Variants in ULK4 observed in about 807,000 individuals in gnomAD.
ULK4 encodes the protein unc-51 like kinase 4, also known as inactive serine/threonine-protein kinase ULK4.
ULK4 carries 133 observed loss-of-function variants against 160.6 expected under a neutral mutation model. The observed-to-expected ratio is 0.83, with a 90% CI of 0.72 to 0.96. The LOEUF is 0.96. Among genes scored for constraint, ULK4 ranks in the 40% least tolerant of loss-of-function variants. ULK4 has a pLI of 0.00. For synonymous variants in ULK4, 534 were observed against 539.8 expected (o/e 0.99, Z 0.15); for missense variants, 1,580 against 1,499.5 (o/e 1.05, Z -0.89).
intron 34 of ULK4, among the ~76,000 whole-genome samples, chr3:41,452,850 C>T (rs912157596): frequency 6.6e-6 from 1 of 152,116 alleles, no homozygotes; most frequent in South Asian, 2.1e-4. Context: ...AACTTAAAAA[C>T]AGCCAAAACA....
intron 35 of ULK4, among the ~76,000 whole-genome samples, chr3:41,319,718 T>C (rs1368771822): frequency 6.6e-6 from 1 of 152,236 alleles, no homozygotes; most frequent in Admixed American, 6.5e-5. Context: ...ATTAATCTCA[T>C]GTAATCCTCA....
chr3:41,250,574 T>C (rs1410192285), intron 35 of ULK4, among the ~76,000 whole-genome samples: 1 of 152,190 alleles, frequency 6.6e-6, no homozygotes, highest in African/African-American at 2.4e-5. Flanking sequence ...TCAGCTGACT[T>C]TGATCACAGC....
At chr3:41,777,337 T>A (rs1162522884) in intron 21 of ULK4, among the ~76,000 whole-genome samples, 1 of 59,654 alleles carries the variant, frequency 1.7e-5, no homozygotes, top group Non-Finnish European at 2.7e-5. Context: ...GTCTTGCTAG[T>A]GGTCTATCAA....
chr3:41,873,556 T>C (rs1209591691), intron 17 of ULK4, among the ~76,000 whole-genome samples: 1 of 152,068 alleles, frequency 6.6e-6, no homozygotes, highest in Non-Finnish European at 1.5e-5. Context: ...TTGTGTTTGT[T>C]TTGTTTTTTG....
chr3:41,738,976 AATCACAATACAC>A (rs2125877297), intron 22 of ULK4, among the ~76,000 whole-genome samples: 1 of 152,062 alleles, frequency 6.6e-6, no homozygotes, highest in Non-Finnish European at 1.5e-5. Context: ...TCAATAAGTG[AATCACAATACAC>A]ATCTGTGCAG....
intron 5 of ULK4, among the ~76,000 whole-genome samples, chr3:41,927,423 G>A (rs1699424753): frequency 6.6e-6 from 1 of 152,176 alleles, no homozygotes; most frequent in African/African-American, 2.4e-5. Context: ...TCAACACTGT[G>A]AAGAAACTGC....
At chr3:41,596,465 G>C (rs975238419) in intron 31 of ULK4, among the ~76,000 whole-genome samples, 1 of 152,120 alleles carries the variant, frequency 6.6e-6, no homozygotes, top group Non-Finnish European at 1.5e-5. Flanking sequence ...TCAAGGGCTT[G>C]AGATGGGCAA....
chr3:41,828,525 T>G lies in ULK4; in HGVS notation c.1764+7339A>C, dbSNP rs1173447221. Among the ~76,000 whole-genome samples the G allele has an allele frequency of 1.2e-4, 16 of 135,236 alleles. 6 individuals carry two copies. The highest frequency in any genetic ancestry group is 5.2e-4 in the African/African-American group (16 of 30,638). 88.7% of individuals were successfully genotyped at this position (135,236 alleles called of 152,430 possible). On this transcript the variant is annotated intron_variant, in intron 18 of 36. Coordinates refer to ENST00000301831, the MANE Select transcript of ULK4 (RefSeq NM_017886.4). ...CAATAACAGACAGAGAGCCAAATCA[T>G]GAGTGAACTCCCATTCACAACTGCT...
intron 27 of ULK4, among the ~76,000 whole-genome samples, chr3:41,702,155 G>T (rs768445017): frequency 2.8e-4 from 43 of 152,084 alleles, no homozygotes; most frequent in East Asian, 9.6e-4. Flanking sequence ...ATGTATGTAT[G>T]TATTTATTTA....
In ULK4 at chr3:41,417,589, G is replaced by C. The variant is rs183130010; in HGVS notation, c.3493-19325C>G. Among the ~76,000 whole-genome samples, 5 of 152,258 alleles carry C rather than the reference G, an allele frequency of 3.3e-5. No homozygotes were observed. The East Asian group carries it at 9.7e-4, about 29-fold the overall frequency. On this transcript the variant is annotated intron_variant, in intron 34 of 36. Coordinates refer to ENST00000301831, the MANE Select transcript of ULK4 (RefSeq NM_017886.4). ...GATAACTGATTGTACTTAATGCAGA[G>C]AGGCTGACTCTGCAAACCCTGGGTG...
intron 32 of ULK4, among the ~76,000 whole-genome samples, chr3:41,488,339 C>T (rs1176502467): frequency 5.3e-5 from 8 of 152,142 alleles, no homozygotes; most frequent in South Asian, 2.1e-4. Context: ...AAAGTGGAGA[C>T]GGTCCAGAGA....
chr3:41,261,650 G>T (rs1337839554), intron 35 of ULK4, among the ~76,000 whole-genome samples: 2 of 152,158 alleles, frequency 1.3e-5, no homozygotes, highest in African/African-American at 4.8e-5. Context: ...AGCGCCCTTT[G>T]CTCCCCCAGT....
intron 17 of ULK4, among the ~76,000 whole-genome samples, chr3:41,851,269 G>T (rs1378370218): frequency 6.6e-6 from 1 of 151,648 alleles, no homozygotes; most frequent in Non-Finnish European, 1.5e-5. Context: ...CTAATTTATT[G>T]AGAGTTTTTA....
intron 11 of ULK4, among the ~76,000 whole-genome samples, chr3:41,910,721 C>A (rs1393908144): frequency 6.6e-6 from 1 of 152,086 alleles, no homozygotes; most frequent in Non-Finnish European, 1.5e-5. Context: ...ACAACAACAA[C>A]AAAAACTGGG....
chr3:41,562,497 A>T (rs12490331), intron 32 of ULK4, among the ~76,000 whole-genome samples: 2 of 151,868 alleles, frequency 1.3e-5, no homozygotes, highest in Middle Eastern at 3.2e-3. Flanking sequence ...TGGGAGTCTA[A>T]GTCTGTTTGT....
chr3:41,872,782 T>G lies in ULK4; in HGVS notation c.1656+11092A>C, dbSNP rs192857385. Among the ~76,000 whole-genome samples, 122 of 149,304 alleles carry G rather than the reference T, an allele frequency of 8.2e-4. 1 individual carries two copies. Among genetic ancestry groups the G allele is most frequent in the African/African-American group, 2.9e-3 (116 of 39,358 alleles). ...ATAAATTCACACCCCGATACATGAA[T>G]AAAATTGAAAAAAAAAACTGCAGTT... On this transcript the variant is annotated intron_variant, in intron 17 of 36. Coordinates refer to ENST00000301831, the MANE Select transcript of ULK4 (RefSeq NM_017886.4).
At chr3:41,338,491 GC>G (rs1263755562) in intron 35 of ULK4, among the ~76,000 whole-genome samples, 1 of 152,070 alleles carries the variant, frequency 6.6e-6, no homozygotes, top group Non-Finnish European at 1.5e-5. Flanking sequence ...TTCCCCACAA[GC>G]CTTTCTACAT....
intron 29 of ULK4, among the ~76,000 whole-genome samples, chr3:41,670,867 A>T (rs994277974): frequency 6.6e-6 from 1 of 152,088 alleles, no homozygotes; most frequent in African/African-American, 2.4e-5. Flanking sequence ...GGGAGCAAAT[A>T]ATATTTATCT....
In ULK4 at chr3:41,798,444, C is replaced by T. The variant is rs575668027; in HGVS notation, c.2010+1688G>A. On this transcript the variant is annotated intron_variant, in intron 20 of 36. Coordinates refer to ENST00000301831, the MANE Select transcript of ULK4 (RefSeq NM_017886.4). ...GAAAACATGTGGCTCCTGAAACAGACGTGTGTATAATCAATGTTATATATC... is the reference window on the plus strand; with the variant it reads ...GAAAACATGTGGCTCCTGAAACAGATGTGTGTATAATCAATGTTATATATC... Among the ~76,000 whole-genome samples, 10 of 152,162 alleles carry T rather than the reference C, an allele frequency of 6.6e-5. No homozygotes were observed. In the South Asian group the frequency reaches 1.7e-3, roughly 25 times the overall value.
Sources: gnomAD v4.1 joint callset for allele counts (sites outside exome capture counted in the v4.1 genomes callset) on GRCh38, gnomAD v4.1.1 for gene constraint, MANE v1.5 for transcripts, NCBI Gene and HGNC (gene_info 2026-07-23, HGNC 2026-07-21) for gene names.